The following MALRD1 variants were observed in gnomAD, a reference collection of about 807,000 sequenced individuals.
MALRD1 encodes MAM and LDL-receptor class A domain-containing protein 1.
MALRD1 carries 247 observed loss-of-function variants against 242.1 expected under a neutral mutation model. That is an observed-to-expected ratio of 1.02 (90% CI 0.92 to 1.13). MALRD1 has a LOEUF of 1.13. Among genes scored for constraint, MALRD1 ranks in the 50% most tolerant of loss-of-function variants. MALRD1 has a pLI of 0.00. For synonymous variants in MALRD1, 995 were observed against 866.6 expected (o/e 1.15, Z -2.60); for missense variants, 2,989 against 2,533.1 (o/e 1.18, Z -3.86).
At chr10:19,157,925 T>C (rs941762531) in intron 12 of MALRD1, among the ~76,000 whole-genome samples, 1 of 152,236 alleles carries the variant, frequency 6.6e-6, no homozygotes, top group Non-Finnish European at 1.5e-5. Flanking sequence ...ACTTTATATG[T>C]GGCCAACACA....
At chr10:19,425,156 G>A (rs751693572) in intron 28 of MALRD1, among the ~76,000 whole-genome samples, 5 of 152,090 alleles carry the variant, frequency 3.3e-5, no homozygotes, top group Non-Finnish European at 7.4e-5. Context: ...GTGACAATCT[G>A]CCCTTTAGCA....
At chr10:19,122,089 T>A (rs758511011) in intron 5 of MALRD1, among the ~76,000 whole-genome samples, 12 of 152,130 alleles carry the variant, frequency 7.9e-5, no homozygotes, top group Non-Finnish European at 1.5e-4. Flanking sequence ...TTTCTAGAGT[T>A]TTTGCCATGA....
chr10:19,133,012 C>T (rs757549178), intron 8 of MALRD1, among the ~76,000 whole-genome samples: 35 of 152,168 alleles, frequency 2.3e-4, no homozygotes, highest in African/African-American at 7.7e-4. Flanking sequence ...CATCTTGGCT[C>T]ACTGCAACCT....
At chr10:19,252,709 C>T (rs539841292) in intron 18 of MALRD1, among the ~76,000 whole-genome samples, 1 of 151,966 alleles carries the variant, frequency 6.6e-6, no homozygotes, top group Non-Finnish European at 1.5e-5. Context: ...TAATATGGCA[C>T]TTATGACCCT....
intron 33 of MALRD1, 56 bp downstream of exon 33, chr10:19,567,759 AC>A: frequency 7.0e-7 from 1 of 1,425,454 alleles, no homozygotes; most frequent in Admixed American, 2.1e-5. Context: ...ATCTAAATAT[AC>A]TAAAGATTTG....
At chr10:19,624,170 G>A (rs578194686) in intron 36 of MALRD1, among the ~76,000 whole-genome samples, 24 of 152,168 alleles carry the variant, frequency 1.6e-4, no homozygotes, top group African/African-American at 5.5e-4. Flanking sequence ...AATTTATTCT[G>A]TAGGCACCGT....
At chr10:19,511,412 A>G (rs945993953) in intron 31 of MALRD1, among the ~76,000 whole-genome samples, 1 of 152,198 alleles carries the variant, frequency 6.6e-6, no homozygotes, top group Non-Finnish European at 1.5e-5. Flanking sequence ...CACTAGTAGG[A>G]AAGCACTAAA....
rs370749228 is a variant in MALRD1, at chr10:19,146,226, G to T, written c.1440G>T (p.Ser480=). ...CSKHLTCDFE[S]GFCGWEPFLT... ...AGCATCTCACCTGTGACTTTGAGTC[G>T]GGTTTCTGCGGTTGGGAGCCATTTC... Residue 480 remains serine (S), a synonymous_variant, in exon 11 of 40, where the codon TCG becomes TCT. Coordinates refer to ENST00000454679, the MANE Select transcript of MALRD1 (RefSeq NM_001142308.3). 4 of 1,231,396 alleles carry T rather than the reference G, an allele frequency of 3.2e-6. No homozygotes were observed. The African/African-American group carries it at 6.2e-5, about 19-fold the overall frequency. The allele number at this position is 1,231,396 out of a possible 1,614,324, so 76.3% of individuals were successfully genotyped here. A position where few individuals can be genotyped will look rare whatever the true frequency, so the allele number is the denominator to read the frequency against.
chr10:19,210,111 C>A (rs1348615097), intron 18 of MALRD1, among the ~76,000 whole-genome samples: 1 of 152,136 alleles, frequency 6.6e-6, no homozygotes, highest in African/African-American at 2.4e-5. Flanking sequence ...ACAATCAGTT[C>A]CTCTGAGGAA....
At chr10:19,354,304 T>A (rs1005884175) in intron 26 of MALRD1, among the ~76,000 whole-genome samples, 3 of 152,172 alleles carry the variant, frequency 2.0e-5, no homozygotes, top group African/African-American at 7.2e-5. Flanking sequence ...GTATTAAAAT[T>A]TTTAATGAAT....
At position 19,056,512 on chromosome 10, in the gene MALRD1, C is replaced by T. The variant is rs560271326; in HGVS notation, c.199+7375C>T. On this transcript the variant is annotated intron_variant, in intron 1 of 39. Coordinates refer to ENST00000454679, the MANE Select transcript of MALRD1 (RefSeq NM_001142308.3). ...GGTTTCTTATTAGTATATAGAAAAACGATTGATTTTTGTATGTTGCTTTTG... is the reference window on the plus strand; with the variant it reads ...GGTTTCTTATTAGTATATAGAAAAATGATTGATTTTTGTATGTTGCTTTTG... 4.6e-5 allele frequency among the ~76,000 whole-genome samples: 7 copies of T among 151,642 alleles called. No homozygotes were observed. In the South Asian group the frequency reaches 1.0e-3, roughly 23 times the overall value.
intron 28 of MALRD1, among the ~76,000 whole-genome samples, chr10:19,449,651 G>T (rs1021978382): frequency 1.3e-5 from 2 of 152,054 alleles, no homozygotes; most frequent in East Asian, 3.9e-4. Flanking sequence ...CATATATACA[G>T]ACCCGGTGGT....
At chr10:19,658,619 C>G (rs956368468) in intron 36 of MALRD1, among the ~76,000 whole-genome samples, 1 of 152,104 alleles carries the variant, frequency 6.6e-6, no homozygotes, top group African/African-American at 2.4e-5. Context: ...CTATTTCTCT[C>G]CAGTTAATTC....
intron 13 of MALRD1, among the ~76,000 whole-genome samples, chr10:19,167,815 T>A (rs1834763080): frequency 2.0e-5 from 3 of 152,028 alleles, no homozygotes; most frequent in Admixed American, 6.6e-5. Context: ...TCCCATGGAG[T>A]GAGGGGTAAG....
intron 21 of MALRD1, among the ~76,000 whole-genome samples, chr10:19,295,727 G>C (rs994591487): frequency 6.6e-6 from 1 of 152,066 alleles, no homozygotes; most frequent in Non-Finnish European, 1.5e-5. Context: ...TAGAAAGGAG[G>C]CTATTTTGTT....
chr10:19,389,487 C>T lies in MALRD1; in HGVS notation c.4723C>T (p.Leu1575Phe), dbSNP rs994932430. Reference sequence around the variant, plus strand: ...GTATCTGGAAGCTACTGCAGTGGGCCTTCGGGGTGACAAAGCACACTTCAG... The same window carrying T: ...GTATCTGGAAGCTACTGCAGTGGGCTTTCGGGGTGACAAAGCACACTTCAG... ...FMYLEATAVGLRGDKAHFRST... is the reference protein window; with the variant it reads ...FMYLEATAVGFRGDKAHFRST... The change falls in exon 28 of 40, where the codon CTT becomes TTT. Residue 1575 changes from leucine (L) to phenylalanine (F), a missense_variant. By Grantham distance (22) the Leu-to-Phe change is conservative. Coordinates refer to ENST00000454679, the MANE Select transcript of MALRD1 (RefSeq NM_001142308.3). 1.9e-5 allele frequency: 30 copies of T among 1,550,394 alleles called. No individual in the cohort carries two copies. In the African/African-American group the frequency reaches 2.7e-4, roughly 14 times the overall value.
chr10:19,690,335 C>T (rs1842764230), intron 36 of MALRD1, among the ~76,000 whole-genome samples: 2 of 151,980 alleles, frequency 1.3e-5, no homozygotes, highest in Non-Finnish European at 2.9e-5. Flanking sequence ...TGTGGAAAAT[C>T]AATCAATCAA....
rs1589421956 is a variant in MALRD1, at chr10:19,703,533, C to G, written c.6314+10979C>G. ...TTCAAGGAAGCAGGAAATACAGCAG[C>G]CTTCAAGAGTTCATAGTAAAAGAAG... On this transcript the variant is annotated intron_variant, in intron 38 of 39. Coordinates refer to ENST00000454679, the MANE Select transcript of MALRD1 (RefSeq NM_001142308.3). Among the ~76,000 whole-genome samples, 5 of 152,278 alleles carry G rather than the reference C, an allele frequency of 3.3e-5. 1 individual carries two copies. In the East Asian group the frequency reaches 9.6e-4, roughly 29 times the overall value.
intron 28 of MALRD1, among the ~76,000 whole-genome samples, chr10:19,439,858 A>G (rs766641290): frequency 2.6e-5 from 4 of 152,016 alleles, no homozygotes; most frequent in Admixed American, 1.3e-4. Context: ...TCTAATGTAT[A>G]TTCTTTGGTC....
Sources: allele counts gnomAD v4.1 joint callset (sites outside exome capture counted in the v4.1 genomes callset), GRCh38; gene constraint gnomAD v4.1.1; transcripts MANE v1.5; gene names NCBI Gene and HGNC (gene_info 2026-07-23, HGNC 2026-07-21).